UPP2: variants seen among roughly 807,000 people sequenced by gnomAD.
The protein encoded by UPP2 is UPase 2.
A neutral mutation model predicts 26.7 loss-of-function variants in UPP2; 23 were observed. That is an observed-to-expected ratio of 0.86 (90% CI 0.62 to 1.22). The LOEUF is 1.22. UPP2 is among the 50% of genes most tolerant of loss of function. The pLI, the probability that UPP2 is intolerant of heterozygous loss-of-function variation, is 0.00. For missense variants in UPP2, 387 were observed against 396.7 expected (o/e 0.98, Z 0.21); for synonymous variants, 127 against 141.3 (o/e 0.90, Z 0.72).
intron 3 of UPP2, among the ~76,000 whole-genome samples, chr2:158,054,620 T>G (rs1188838570): frequency 1.3e-5 from 2 of 152,124 alleles, no homozygotes; most frequent in Admixed American, 1.3e-4. Context: ...GAATCTGGTG[T>G]GTACTAAGGG....
intron 4 of UPP2, among the ~76,000 whole-genome samples, chr2:158,119,875 GGTGTAT>G (rs1246285315): frequency 4.0e-5 from 6 of 151,664 alleles, no homozygotes; most frequent in Non-Finnish European, 7.4e-5. Context: ...GTTAGGTGTG[GGTGTAT>G]GTGCCTGTAG....
intron 3 of UPP2, among the ~76,000 whole-genome samples, chr2:158,087,518 A>G (rs145743906): frequency 0.021 from 3,139 of 152,200 alleles, 134 homozygotes; most frequent in African/African-American, 0.071. Flanking sequence ...GTACTATTCT[A>G]TTCATCACGC....
At chr2:158,047,451 C>A (rs1684172544) in intron 3 of UPP2, among the ~76,000 whole-genome samples, 1 of 152,162 alleles carries the variant, frequency 6.6e-6, no homozygotes, top group South Asian at 2.1e-4. Context: ...GTGTCAGTGG[C>A]AAGAGGAGCA....
At chr2:158,071,238 C>T (rs551681390) in intron 3 of UPP2, among the ~76,000 whole-genome samples, 1 of 152,222 alleles carries the variant, frequency 6.6e-6, no homozygotes, top group East Asian at 1.9e-4. Context: ...TCCCACAACC[C>T]CAGGCAGTGC....
intron 4 of UPP2, among the ~76,000 whole-genome samples, chr2:158,119,651 A>T (rs1278511224): frequency 6.6e-6 from 1 of 151,986 alleles, no homozygotes; most frequent in Non-Finnish European, 1.5e-5. Context: ...TATATTTTCA[A>T]CTTCCCTCTC....
At chr2:158,042,851 C>T (rs915026272) in intron 3 of UPP2, among the ~76,000 whole-genome samples, 1 of 152,082 alleles carries the variant, frequency 6.6e-6, no homozygotes. Context: ...GGGGAGGAGG[C>T]CTTTGGAGGA....
intron 3 of UPP2, among the ~76,000 whole-genome samples, chr2:158,089,893 A>T (rs191813218): frequency 6.6e-6 from 1 of 152,108 alleles, no homozygotes; most frequent in African/African-American, 2.4e-5. Flanking sequence ...ACTTCCTTCA[A>T]AGGGTCTGTG....
chr2:158,041,930 G>T (rs1684087643), intron 3 of UPP2, among the ~76,000 whole-genome samples: 1 of 152,124 alleles, frequency 6.6e-6, no homozygotes, highest in South Asian at 2.1e-4. Context: ...CCATTTTAAG[G>T]CATCCTTTCA....
intron 3 of UPP2, among the ~76,000 whole-genome samples, chr2:158,078,809 G>A (rs1452081209): frequency 2.6e-5 from 4 of 152,142 alleles, no homozygotes; most frequent in Non-Finnish European, 2.9e-5. Flanking sequence ...AAGGAGAAAT[G>A]TTTGAGGGGA....
intron 2 of UPP2, among the ~76,000 whole-genome samples, chr2:158,013,327 T>C (rs959165497): frequency 6.6e-6 from 1 of 152,214 alleles, no homozygotes. Context: ...TTAATGCACA[T>C]ATCCAACGTG....
chr2:158,111,187 A>G (rs1232082891), intron 2 of UPP2, among the ~76,000 whole-genome samples: 1 of 152,158 alleles, frequency 6.6e-6, no homozygotes, highest in Non-Finnish European at 1.5e-5. Flanking sequence ...AGTTCTATGC[A>G]TTACTGAGAG....
At chr2:158,051,399 T>C (rs1056932938) in intron 3 of UPP2, among the ~76,000 whole-genome samples, 3 of 151,976 alleles carry the variant, frequency 2.0e-5, no homozygotes, top group African/African-American at 7.3e-5. Flanking sequence ...GTGCTGAGGG[T>C]ATATTGAGGA....
intron 3 of UPP2, among the ~76,000 whole-genome samples, chr2:158,038,053 GCT>G (rs2105161628): frequency 6.6e-6 from 1 of 152,278 alleles, no homozygotes; most frequent in Admixed American, 6.5e-5. Context: ...TCCCATTTCT[GCT>G]CTGATTAGAA....
intron 3 of UPP2, among the ~76,000 whole-genome samples, chr2:158,095,215 T>A (rs760446530): frequency 3.9e-5 from 6 of 152,130 alleles, no homozygotes; most frequent in Non-Finnish European, 5.9e-5. Flanking sequence ...ATTTTAAGGG[T>A]CAATTTAAAA....
At chr2:158,063,419 A>G (rs146710755) in intron 3 of UPP2, among the ~76,000 whole-genome samples, 97 of 152,310 alleles carry the variant, frequency 6.4e-4, no homozygotes, top group Non-Finnish European at 1.2e-3. Context: ...TATACCTTGT[A>G]GTATAACTTT....
chr2:158,115,326 T>C (rs999405123), intron 3 of UPP2, 67 bp downstream of exon 3: 96 of 1,497,036 alleles, frequency 6.4e-5, no homozygotes, highest in Non-Finnish European at 7.9e-5. Context: ...AACTTTTACA[T>C]GTAGGAGTTC....
At chr2:158,039,356 C>T (rs1045520700) in intron 3 of UPP2, among the ~76,000 whole-genome samples, 4 of 152,334 alleles carry the variant, frequency 2.6e-5, no homozygotes, top group Middle Eastern at 6.8e-3. Flanking sequence ...CTTTTCTGTA[C>T]ATCTGTAAAA....
chr2:158,070,593 C>A (rs769415659), intron 3 of UPP2, among the ~76,000 whole-genome samples: 4 of 152,178 alleles, frequency 2.6e-5, no homozygotes, highest in Non-Finnish European at 4.4e-5. Flanking sequence ...TTAATTAAGC[C>A]ACTGTTTATG....
At chr2:158,025,839 G>A (rs998357892) in intron 3 of UPP2, among the ~76,000 whole-genome samples, 13 of 152,240 alleles carry the variant, frequency 8.5e-5, no homozygotes, top group Admixed American at 3.3e-4. Flanking sequence ...AATGTGCGTA[G>A]AGAGGTCAGT....
Sources: allele counts gnomAD v4.1 joint callset (sites outside exome capture counted in the v4.1 genomes callset), GRCh38; gene constraint gnomAD v4.1.1; transcripts MANE v1.5; gene names NCBI Gene and HGNC (gene_info 2026-07-23, HGNC 2026-07-21).